The following KAZN variants were observed in gnomAD, a reference collection of about 807,000 sequenced individuals.
KAZN encodes kazrin.
KAZN carries 40 observed loss-of-function variants against 87.4 expected under a neutral mutation model. That is an observed-to-expected ratio of 0.46 (90% CI 0.36 to 0.60). The LOEUF is 0.60. Among genes scored for constraint, KAZN ranks in the 20% least tolerant of loss-of-function variants. The pLI is 0.00. For synonymous variants in KAZN, 466 were observed against 458.3 expected, an observed-to-expected ratio of 1.02 and a Z score of -0.22; for missense variants, 898 against 1,073.9, an observed-to-expected ratio of 0.84 and a Z score of 2.29.
At chr1:14,337,695 A>AC (rs1316541372) in intron 2 of KAZN, among the ~76,000 whole-genome samples, 1 of 152,128 alleles carries the variant, frequency 6.6e-6, no homozygotes, top group Non-Finnish European at 1.5e-5. Context: ...GGAGTTCGAG[A>AC]CCAGCCTGGC....
intron 1 of KAZN, chr1:14,945,876 T>C: frequency 1.0e-6 from 1 of 985,402 alleles, no homozygotes; most frequent in Non-Finnish European, 1.2e-6. Context: ...AGACTTGCTC[T>C]CCTTTCCTGT....
intron 1 of KAZN, among the ~76,000 whole-genome samples, chr1:13,908,421 C>A (rs571630361): frequency 6.6e-6 from 1 of 150,798 alleles, no homozygotes; most frequent in African/African-American, 2.5e-5. Context: ...TTGGCCTTGA[C>A]GGCTCTTTGG....
intron 2 of KAZN, among the ~76,000 whole-genome samples, chr1:14,569,841 G>A (rs1171974698): frequency 6.6e-6 from 1 of 151,372 alleles, no homozygotes; most frequent in Non-Finnish European, 1.5e-5. Flanking sequence ...CACCAGGCGT[G>A]GTGGCTCACA....
intron 2 of KAZN, among the ~76,000 whole-genome samples, chr1:14,571,097 C>T (rs374628821): frequency 6.6e-6 from 1 of 152,146 alleles, no homozygotes; most frequent in African/African-American, 2.4e-5. Flanking sequence ...GCCGCCCATG[C>T]CCTATGACAA....
intron 1 of KAZN, among the ~76,000 whole-genome samples, chr1:14,615,160 G>C (rs1441924365): frequency 6.6e-6 from 1 of 152,218 alleles, no homozygotes; most frequent in African/African-American, 2.4e-5. Flanking sequence ...TAACATTCAT[G>C]AAGCACTCTA....
chr1:14,861,329 A>G (rs2101022035), intron 1 of KAZN, among the ~76,000 whole-genome samples: 1 of 152,352 alleles, frequency 6.6e-6, no homozygotes, highest in East Asian at 1.9e-4. Flanking sequence ...CAGCGAGCCA[A>G]GATTGCACCA....
At position 15,101,721 on chromosome 1, in the gene KAZN, G is replaced by T. The variant is rs768771090; in HGVS notation, c.1726G>T (p.Val576Phe). 1 of 1,594,478 alleles carries T rather than the reference G, an allele frequency of 6.3e-7. No homozygotes were observed. The highest frequency in any genetic ancestry group is 1.7e-5 in the Admixed American group (1 of 57,578). The change falls in exon 11 of 15, where the codon GTC (valine) becomes TTC (phenylalanine). Residue 576 changes from valine (V) to phenylalanine (F), a missense_variant. By Grantham distance (50) the Val-to-Phe change is conservative (BLOSUM62 -1). Coordinates refer to ENST00000376030, the MANE Select transcript of KAZN (RefSeq NM_201628.3). Reference sequence around the variant, plus strand: ...GAACGTGTCCAAGAAGTTCCACCAGGTCAGCATCCTGCTGGGGATCGAGCT... The same window carrying T: ...GAACGTGTCCAAGAAGTTCCACCAGTTCAGCATCCTGCTGGGGATCGAGCT... ...HLNVSKKFHQ[V>F]SILLGIELLY...
chr1:14,585,040 G>A (rs1675769775), intron 2 of KAZN, among the ~76,000 whole-genome samples: 1 of 152,180 alleles, frequency 6.6e-6, no homozygotes, highest in African/African-American at 2.4e-5. Flanking sequence ...AAGAGGAGAT[G>A]AGGACACAGA....
chr1:13,905,196 A>C (rs552962216), intron 1 of KAZN, among the ~76,000 whole-genome samples: 3 of 152,328 alleles, frequency 2.0e-5, no homozygotes, highest in African/African-American at 7.2e-5. Flanking sequence ...CTTATCTGAT[A>C]AAGGAATTTT....
chr1:14,720,852 G>C (rs1006753341), intron 1 of KAZN, among the ~76,000 whole-genome samples: 1 of 152,152 alleles, frequency 6.6e-6, no homozygotes, highest in Non-Finnish European at 1.5e-5. Context: ...GAGTACCTGG[G>C]ACTACTACCG....
chr1:13,929,281 C>T (rs1640414160), intron 1 of KAZN, among the ~76,000 whole-genome samples: 1 of 152,156 alleles, frequency 6.6e-6, no homozygotes, highest in Non-Finnish European at 1.5e-5. Flanking sequence ...AGGCACTTAT[C>T]TGTGTTTTGT....
At chr1:14,918,059 A>G (rs745640280) in intron 1 of KAZN, among the ~76,000 whole-genome samples, 1 of 151,874 alleles carries the variant, frequency 6.6e-6, no homozygotes, top group Admixed American at 6.6e-5. Flanking sequence ...TTGTATTTTT[A>G]GTAGAGATGG....
chr1:14,851,274 T>C (rs1329777861), intron 1 of KAZN, among the ~76,000 whole-genome samples: 1 of 152,170 alleles, frequency 6.6e-6, no homozygotes, highest in Non-Finnish European at 1.5e-5. Context: ...AGGGGACCAC[T>C]GCCCAAGACG....
At chr1:14,457,919 G>A (rs370041434) in intron 2 of KAZN, among the ~76,000 whole-genome samples, 42 of 151,194 alleles carry the variant, frequency 2.8e-4, no homozygotes, top group African/African-American at 9.2e-4. Flanking sequence ...CCGTGTTCAC[G>A]CCATTCTCCC....
intron 2 of KAZN, among the ~76,000 whole-genome samples, chr1:14,972,339 T>C (rs924608185): frequency 2.0e-5 from 3 of 152,022 alleles, no homozygotes; most frequent in South Asian, 2.1e-4. Flanking sequence ...ATCTTCAGAG[T>C]TGGCCTCAGA....
chr1:14,514,397 T>A (rs369842041), intron 2 of KAZN, among the ~76,000 whole-genome samples: 3 of 10,150 alleles, frequency 3.0e-4, no homozygotes, highest in Admixed American at 1.1e-3. Context: ...TTATATATAT[T>A]TATATATATA....
At chr1:14,050,883 C>G (rs980178982) in intron 1 of KAZN, among the ~76,000 whole-genome samples, 11 of 152,168 alleles carry the variant, frequency 7.2e-5, no homozygotes, top group Non-Finnish European at 1.6e-4. Context: ...AGAGTATTGT[C>G]TGGAAAATCC....
At chr1:14,631,258 C>T (rs1679540362) in intron 1 of KAZN, among the ~76,000 whole-genome samples, 1 of 152,172 alleles carries the variant, frequency 6.6e-6, no homozygotes, top group African/African-American at 2.4e-5. Flanking sequence ...GCCATCTTGG[C>T]ATCACAAGGT....
chr1:14,835,935 C>G (rs1305183903), intron 1 of KAZN, among the ~76,000 whole-genome samples: 1 of 151,948 alleles, frequency 6.6e-6, no homozygotes, highest in African/African-American at 2.4e-5. Flanking sequence ...AAACAAAAGT[C>G]AGCAGATGCA....
Sources: allele counts gnomAD v4.1 joint callset (sites outside exome capture counted in the v4.1 genomes callset), GRCh38; gene constraint gnomAD v4.1.1; transcripts MANE v1.5; gene names NCBI Gene and HGNC (gene_info 2026-07-23, HGNC 2026-07-21).